Variants in DCDC2C observed in about 807,000 individuals in gnomAD.
DCDC2C encodes doublecortin domain-containing protein 2C.
A neutral mutation model predicts 45.0 loss-of-function variants in DCDC2C; 44 were observed. The ratio of observed to expected loss-of-function variants is 0.98; its 90% CI spans 0.77 to 1.26. The LOEUF (loss-of-function observed/expected upper bound fraction) is 1.26, where lower values mean the gene tolerates loss of function less well. Ranked by LOEUF, DCDC2C falls within the 50% of genes most tolerant of loss-of-function variation. DCDC2C has a pLI of 0.00. For missense variants in DCDC2C, 447 were observed against 468.9 expected (o/e 0.95, Z 0.43); for synonymous variants, 187 against 178.8 (o/e 1.05, Z -0.37).
At chr2:3,810,821 A>G (rs1476344725) in intron 10 of DCDC2C, among the ~76,000 whole-genome samples, 1 of 152,122 alleles carries the variant, frequency 6.6e-6, no homozygotes, top group Admixed American at 6.6e-5. Flanking sequence ...TCCTACCACC[A>G]TTTGCTGAAC....
intron 2 of DCDC2C, among the ~76,000 whole-genome samples, chr2:3,723,673 A>G (rs1343640379): frequency 6.6e-6 from 1 of 152,004 alleles, no homozygotes; most frequent in Non-Finnish European, 1.5e-5. Context: ...GCCATGAGGG[A>G]AGGATTGTCT....
At chr2:3,709,784 C>T (rs1316550766) in intron 2 of DCDC2C, among the ~76,000 whole-genome samples, 1 of 152,164 alleles carries the variant, frequency 6.6e-6, no homozygotes, top group Non-Finnish European at 1.5e-5. Context: ...AGTCTCGGTT[C>T]ATCCTTTGCA....
At chr2:3,754,655 AG>A in intron 6 of DCDC2C, 21 bp downstream of exon 6, 1 of 1,545,642 alleles carries the variant, frequency 6.5e-7, no homozygotes, top group Non-Finnish European at 8.7e-7. Flanking sequence ...TTTTAAAACA[AG>A]TAAGTAACTT....
chr2:3,841,161 A>G (rs1672204762), intron 10 of DCDC2C, among the ~76,000 whole-genome samples: 1 of 152,184 alleles, frequency 6.6e-6, no homozygotes, highest in African/African-American at 2.4e-5. Flanking sequence ...TTGTGATAAG[A>G]AGTACGAGTT....
intron 10 of DCDC2C, among the ~76,000 whole-genome samples, chr2:3,791,278 T>C (rs1159359592): frequency 6.6e-6 from 1 of 152,238 alleles, no homozygotes; most frequent in Non-Finnish European, 1.5e-5. Context: ...ATTGGCATTT[T>C]ATAAGAGGCA....
At chr2:3,839,807 C>G (rs1270974576) in intron 10 of DCDC2C, among the ~76,000 whole-genome samples, 2 of 152,244 alleles carry the variant, frequency 1.3e-5, no homozygotes, top group Non-Finnish European at 2.9e-5. Context: ...GGCTGCAGAA[C>G]AGCCTCAGTC....
At chr2:3,752,162 A>G (rs996453992) in intron 4 of DCDC2C, among the ~76,000 whole-genome samples, 2 of 152,128 alleles carry the variant, frequency 1.3e-5, no homozygotes, top group Non-Finnish European at 2.9e-5. Flanking sequence ...TTAGCTTTGT[A>G]GGCTTTTGTG....
intron 10 of DCDC2C, among the ~76,000 whole-genome samples, chr2:3,799,419 G>T (rs1178136227): frequency 6.6e-6 from 1 of 151,976 alleles, no homozygotes; most frequent in Non-Finnish European, 1.5e-5. Context: ...GAGGAACTGC[G>T]TTCCTTTGGA....
chr2:3,803,832 ACTGG>A (rs1479946128), intron 10 of DCDC2C, among the ~76,000 whole-genome samples: 1 of 152,178 alleles, frequency 6.6e-6, no homozygotes, highest in Admixed American at 6.5e-5. Flanking sequence ...TGGCCTCAGC[ACTGG>A]CTGGTGCAGG....
chr2:3,756,894 C>A (rs1443488602), intron 6 of DCDC2C, among the ~76,000 whole-genome samples: 2 of 152,042 alleles, frequency 1.3e-5, no homozygotes, highest in Non-Finnish European at 2.9e-5. Flanking sequence ...TGAATGATCG[C>A]CTTATTTATT....
At chr2:3,728,445 G>A (rs913768893) in intron 3 of DCDC2C, among the ~76,000 whole-genome samples, 4 of 152,210 alleles carry the variant, frequency 2.6e-5, no homozygotes, top group Non-Finnish European at 5.9e-5. Context: ...CTCAGGGAAC[G>A]TCGTTGGTTT....
At chr2:3,840,830 A>G (rs965613082) in intron 10 of DCDC2C, among the ~76,000 whole-genome samples, 35 of 152,212 alleles carry the variant, frequency 2.3e-4, no homozygotes, top group African/African-American at 8.4e-4. Flanking sequence ...CGAGTTTCGC[A>G]GTGAAAGTGT....
At chr2:3,704,772 C>T (rs1668017683) in intron 1 of DCDC2C, among the ~76,000 whole-genome samples, 3 of 149,466 alleles carry the variant, frequency 2.0e-5, no homozygotes, top group Middle Eastern at 3.5e-3. Flanking sequence ...GCGGGTTGGG[C>T]AGTTCCCATT....
intron 10 of DCDC2C, among the ~76,000 whole-genome samples, chr2:3,821,779 T>C (rs1671692812): frequency 6.6e-6 from 1 of 152,274 alleles, no homozygotes. Context: ...GCCTGGTTCC[T>C]TTAATTGAAG....
intron 8 of DCDC2C, among the ~76,000 whole-genome samples, chr2:3,773,218 T>C (rs1471572806): frequency 2.7e-5 from 4 of 147,852 alleles, no homozygotes; most frequent in Non-Finnish European, 6.0e-5. Context: ...GGTTGTGGCG[T>C]GAATTATCGC....
chr2:3,705,487 T>C (rs1661427281), intron 1 of DCDC2C, among the ~76,000 whole-genome samples: 2 of 152,222 alleles, frequency 1.3e-5, no homozygotes, highest in Non-Finnish European at 2.9e-5. Flanking sequence ...AATTAAAGAA[T>C]ATATCTCTAC....
At chr2:3,756,663 C>T (rs1409611837) in intron 6 of DCDC2C, among the ~76,000 whole-genome samples, 5 of 152,338 alleles carry the variant, frequency 3.3e-5, no homozygotes, top group South Asian at 4.1e-4. Context: ...GCCGAGTTCA[C>T]GGCCACGGTC....
In DCDC2C at chr2:3,815,763, G is replaced by A. The variant is rs185953034; in HGVS notation, c.1065+30663G>A. 6.6e-5 allele frequency among the ~76,000 whole-genome samples: 10 copies of A among 152,270 alleles called. No homozygotes were observed. The East Asian group carries it at 1.7e-3, about 26-fold the overall frequency. ...CAGGGGTCACAAGGTGCTCAGTGGG[G>A]GAGCTTCTGAGCCAGGAGAAGGAAT... is the stretch of plus-strand genomic sequence containing the variant. On this transcript the variant is annotated intron_variant, in intron 10 of 10. Transcript: ENST00000399143.
chr2:3,842,683 C>T (rs1387681441), intron 10 of DCDC2C, among the ~76,000 whole-genome samples: 1 of 150,138 alleles, frequency 6.7e-6, no homozygotes, highest in Non-Finnish European at 1.5e-5. Flanking sequence ...TGGCTTTACA[C>T]AATAAATCCT....
Sources: gnomAD v4.1 joint callset for allele counts (sites outside exome capture counted in the v4.1 genomes callset) on GRCh38, gnomAD v4.1.1 for gene constraint, MANE v1.5 for transcripts, NCBI Gene and HGNC (gene_info 2026-07-23, HGNC 2026-07-21) for gene names.